Variants in REV3L observed in about 807,000 individuals in gnomAD.
REV3L encodes the protein REV3 like, DNA directed polymerase zeta catalytic subunit, also known as DNA polymerase zeta catalytic subunit.
Under a neutral mutation model 299.4 loss-of-function variants are expected in REV3L, and 69 were observed. The ratio of observed to expected loss-of-function variants is 0.23; its 90% CI spans 0.19 to 0.28. REV3L has a LOEUF of 0.28. Among genes scored for constraint, REV3L ranks in the 10% least tolerant of loss-of-function variants. REV3L has a pLI of 1.00. For missense variants in REV3L, 3,128 were observed against 3,693.8 expected (o/e 0.85, Z 3.97); for synonymous variants, 1,238 against 1,271.4 (o/e 0.97, Z 0.56).
intron 29 of REV3L, 78 bp downstream of exon 29, chr6:111,310,991 A>T (rs1438364568): frequency 3.3e-5 from 38 of 1,151,664 alleles, no homozygotes; most frequent in Non-Finnish European, 4.0e-5. Flanking sequence ...GTGTCTATGG[A>T]CTGTCTTTTC....
rs1240523859 is a variant in REV3L, at chr6:111,482,950, G to A, written c.-62C>T. The A allele has an allele frequency of 8.3e-6, 12 of 1,452,910 alleles. No individual in the cohort carries two copies. The highest frequency in any genetic ancestry group is 1.1e-5 in the Non-Finnish European group (12 of 1,109,788). 90.0% of individuals were successfully genotyped at this position (1,452,910 alleles called of 1,614,324 possible). ...ACCCGGCAGCGGCAGCAGCAGCGGC[G>A]GCGGCTCCCTCCGCAGCGGCGGCGG... On this transcript the variant is annotated 5_prime_UTR_variant, in exon 1 of 32. Coordinates refer to ENST00000368802, the MANE Select transcript of REV3L (RefSeq NM_001372078.1).
intron 20 of REV3L, among the ~76,000 whole-genome samples, chr6:111,345,062 A>G (rs1382917817): frequency 6.6e-6 from 1 of 152,216 alleles, no homozygotes; most frequent in Non-Finnish European, 1.5e-5. Context: ...AAAGGTAGAG[A>G]GCAATAGAAT....
At chr6:111,307,873 T>C in intron 30 of REV3L, 1 of 323,942 alleles carries the variant, frequency 3.1e-6, no homozygotes, top group Non-Finnish European at 5.8e-6. Context: ...GCCATGTTGG[T>C]TTGCTGCACC....
At position 111,351,657 on chromosome 6, in the gene REV3L, C is replaced by T; in HGVS notation, c.7300+19G>A. On this transcript the variant is annotated intron_variant, in intron 19 of 31. Coordinates refer to ENST00000368802, the MANE Select transcript of REV3L (RefSeq NM_001372078.1). ...TTTGCTCTGTAGTTGAATGACAAAACATTCACAATGACACATACCTGGCAC... is the reference window on the plus strand; with the variant it reads ...TTTGCTCTGTAGTTGAATGACAAAATATTCACAATGACACATACCTGGCAC... The T allele has an allele frequency of 6.4e-7, 1 of 1,572,062 alleles. No homozygotes were observed. The highest frequency in any genetic ancestry group is 1.1e-5 in the South Asian group (1 of 88,788).
chr6:111,361,089 G>A (rs539102897), intron 16 of REV3L, among the ~76,000 whole-genome samples: 82 of 152,090 alleles, frequency 5.4e-4, no homozygotes, highest in African/African-American at 1.5e-3. Flanking sequence ...ATTAGAAAGG[G>A]ATGAACATAT....
chr6:111,338,462 A>AT (rs961276104), intron 21 of REV3L, among the ~76,000 whole-genome samples: 1 of 149,162 alleles, frequency 6.7e-6, no homozygotes, highest in Non-Finnish European at 1.5e-5. Flanking sequence ...ATATTTCAGG[A>AT]TTTTTTTCCT....
intron 1 of REV3L, among the ~76,000 whole-genome samples, chr6:111,439,571 T>A (rs932984769): frequency 2.0e-5 from 3 of 152,212 alleles, no homozygotes; most frequent in African/African-American, 7.2e-5. Context: ...GGGTGCCTCA[T>A]GAGCTGCATG....
rs1305115279 is a variant in REV3L at position 111,483,142 on chromosome 6, A to G, written c.-254T>C. 7 of 489,088 alleles carry G rather than the reference A, an allele frequency of 1.4e-5. No individual in the cohort carries two copies. The highest frequency in any genetic ancestry group is 2.1e-5 in the Non-Finnish European group (6 of 282,942). 30.3% of individuals were successfully genotyped at this position (489,088 alleles called of 1,614,324 possible). On this transcript the variant is annotated 5_prime_UTR_variant, in exon 1 of 32. Coordinates refer to ENST00000368802, the MANE Select transcript of REV3L (RefSeq NM_001372078.1). ...TTTCGTCGGTGCTGGTGCTGCCGCCACTGCCGCCACCGCCGGGAATCACAC... is the reference window on the plus strand; with the variant it reads ...TTTCGTCGGTGCTGGTGCTGCCGCCGCTGCCGCCACCGCCGGGAATCACAC...
At chr6:111,330,776 A>G (rs1336775442) in intron 24 of REV3L, among the ~76,000 whole-genome samples, 3 of 152,206 alleles carry the variant, frequency 2.0e-5, no homozygotes, top group Non-Finnish European at 4.4e-5. Context: ...ATAGAGACCC[A>G]TTTAATAAAA....
Position 111,363,954 on chromosome 6 carries a change from G to C in REV3L, c.6778C>G (p.Pro2260Ala). Residue 2260 changes from proline to alanine, a missense_variant, in exon 16 of 32, where the codon CCA (proline) becomes GCA (alanine). Transcript: ENST00000368802. ...AKNQFAAVNT[P>A]QKETSQIDGP... ...TCAATCTGAGAAGTTTCTTTCTGTG[G>C]GGTATTTACTGCTGCAAATTGATTC... The C allele has an allele frequency of 6.2e-7, 1 of 1,612,470 alleles. No homozygotes were observed. Among genetic ancestry groups the C allele is most frequent in the Non-Finnish European group, 8.5e-7 (1 of 1,179,354 alleles).
chr6:111,323,164 T>G (rs571553325), intron 25 of REV3L, among the ~76,000 whole-genome samples: 2 of 152,104 alleles, frequency 1.3e-5, no homozygotes, highest in African/African-American at 2.4e-5. Flanking sequence ...AATTTTTGTA[T>G]TTTTTAGTAG....
chr6:111,382,859 G>C (rs900454147), intron 9 of REV3L, among the ~76,000 whole-genome samples: 5 of 152,158 alleles, frequency 3.3e-5, no homozygotes, highest in African/African-American at 1.2e-4. Context: ...TCCACAAGAG[G>C]ACAGGAGAGG....
At chr6:111,354,364 A>T (rs1279191623) in intron 18 of REV3L, among the ~76,000 whole-genome samples, 1 of 152,156 alleles carries the variant, frequency 6.6e-6, no homozygotes, top group Admixed American at 6.5e-5. Context: ...TATTGAAAAT[A>T]ACTTCGTCTC....
At chr6:111,472,433 AAC>A (rs948246039) in intron 1 of REV3L, among the ~76,000 whole-genome samples, 1 of 152,102 alleles carries the variant, frequency 6.6e-6, no homozygotes, top group Non-Finnish European at 1.5e-5. Context: ...TTTTTGAGGT[AAC>A]ACTCTTTTAT....
chr6:111,397,240 C>T lies in REV3L; in HGVS notation c.566-4268G>A, dbSNP rs77727506. ...TGAAATCTTTTTTTTGATATAGGCA[C>T]CTATTGCTATAAACTTACCTCTTAG... On this transcript the variant is annotated intron_variant, in intron 4 of 31. Transcript: ENST00000368802. 8.4e-3 allele frequency among the ~76,000 whole-genome samples: 1,278 copies of T among 151,978 alleles called. 22 individuals carry two copies. Among genetic ancestry groups the T allele is most frequent in the African/African-American group, 0.029 (1,218 of 41,506 alleles).
At chr6:111,313,553 T>G (rs1233485222) in intron 27 of REV3L, 64 bp from the exon 28 acceptor site, 1 of 1,483,650 alleles carries the variant, frequency 6.7e-7, no homozygotes, top group Non-Finnish European at 9.1e-7. Flanking sequence ...TGTTTTATTT[T>G]TATGTCTTTG....
At chr6:111,378,646 T>C (rs1780540052) in intron 11 of REV3L, among the ~76,000 whole-genome samples, 2 of 152,170 alleles carry the variant, frequency 1.3e-5, no homozygotes, top group Admixed American at 1.3e-4. Context: ...GGGCAATCTT[T>C]CCACTGTTAA....
chr6:111,400,577 T>C (rs1416175032), intron 4 of REV3L, among the ~76,000 whole-genome samples: 1 of 152,232 alleles, frequency 6.6e-6, no homozygotes, highest in Non-Finnish European at 1.5e-5. Context: ...TTTCTTATTG[T>C]TGATTTTTAA....
At chr6:111,436,217 T>C (rs750482122) in intron 1 of REV3L, among the ~76,000 whole-genome samples, 2 of 152,180 alleles carry the variant, frequency 1.3e-5, no homozygotes, top group Non-Finnish European at 2.9e-5. Context: ...GAATGTAAAT[T>C]AGTACAGTTA....
Sources: gnomAD v4.1 joint callset for allele counts (sites outside exome capture counted in the v4.1 genomes callset) on GRCh38, gnomAD v4.1.1 for gene constraint, MANE v1.5 for transcripts, NCBI Gene and HGNC (gene_info 2026-07-23, HGNC 2026-07-21) for gene names.